THSD7A: variants seen among roughly 807,000 people sequenced by gnomAD.
THSD7A encodes thrombospondin type 1 domain containing 7A.
Under a neutral mutation model 231.3 loss-of-function variants are expected in THSD7A, and 96 were observed. That is an observed-to-expected ratio of 0.41 (90% confidence interval 0.35 to 0.49). The LOEUF (loss-of-function observed/expected upper bound fraction) is 0.49, where lower values mean the gene tolerates loss of function less well. Ranked by LOEUF, THSD7A falls within the 20% of genes least tolerant of loss-of-function variation. THSD7A has a pLI of 0.05. For synonymous variants in THSD7A, 940 were observed against 743.3 expected, an observed-to-expected ratio of 1.26 and a Z score of -4.30; for missense variants, 2,290 against 2,070.2, an observed-to-expected ratio of 1.11 and a Z score of -2.06.
intron 4 of THSD7A, among the ~76,000 whole-genome samples, chr7:11,550,915 G>T (rs566537134): frequency 6.6e-6 from 1 of 152,108 alleles, no homozygotes; most frequent in Non-Finnish European, 1.5e-5. Flanking sequence ...AAAGAACAAA[G>T]CCAGAGGCAT....
intron 6 of THSD7A, among the ~76,000 whole-genome samples, chr7:11,512,883 GA>G (rs1787872992): frequency 1.4e-5 from 2 of 143,396 alleles, no homozygotes; most frequent in South Asian, 2.2e-4. Flanking sequence ...CATACGTAAC[GA>G]ATCTGCACAT....
At chr7:11,437,885 T>G (rs1017082377) in intron 13 of THSD7A, among the ~76,000 whole-genome samples, 8 of 152,098 alleles carry the variant, frequency 5.3e-5, no homozygotes, top group African/African-American at 1.9e-4. Flanking sequence ...TCTCTACCCA[T>G]ATTCATGATT....
At chr7:11,813,666 T>C (rs1476744006) in intron 1 of THSD7A, among the ~76,000 whole-genome samples, 2 of 151,560 alleles carry the variant, frequency 1.3e-5, no homozygotes, top group African/African-American at 2.4e-5. Context: ...TGAGCCGAGA[T>C]AGCACCACCG....
intron 15 of THSD7A, among the ~76,000 whole-genome samples, chr7:11,425,098 A>T (rs142065217): frequency 6.6e-6 from 1 of 152,140 alleles, no homozygotes; most frequent in African/African-American, 2.4e-5. Flanking sequence ...ATATTTTCCT[A>T]TGCTGACCCT....
chr7:11,769,148 TA>T (rs1223227304), intron 1 of THSD7A, among the ~76,000 whole-genome samples: 51 of 66,646 alleles, frequency 7.7e-4, no homozygotes, highest in African/African-American at 2.2e-3. Context: ...TATATATATA[TA>T]TATATTTTTT....
chr7:11,429,003 G>A lies in THSD7A; in HGVS notation c.3187C>T (p.Arg1063Cys), dbSNP rs747118386. Residue 1063 changes from arginine to cysteine, a missense_variant, in exon 14 of 28, where the codon CGT (arginine) becomes TGT (cysteine). Coordinates refer to ENST00000423059, the MANE Select transcript of THSD7A (RefSeq NM_015204.3). ...CTTCCTCCATTATATGGTTTTTCACGCAGCCATTTAGAACGAACCTTCACA... is the reference window on the plus strand; with the variant it reads ...CTTCCTCCATTATATGGTTTTTCACACAGCCATTTAGAACGAACCTTCACA... ...SGVKVRSKWL[R>C]EKPYNGGRPC... The A allele has an allele frequency of 3.7e-6, 6 of 1,612,474 alleles. No homozygotes were observed. The highest frequency in any genetic ancestry group is 4.5e-5 in the East Asian group (2 of 44,802).
At chr7:11,524,747 T>C (rs1272611037) in intron 6 of THSD7A, among the ~76,000 whole-genome samples, 1 of 152,170 alleles carries the variant, frequency 6.6e-6, no homozygotes, top group Non-Finnish European at 1.5e-5. Context: ...ATCAAAAGAA[T>C]TTCTGCCATT....
intron 2 of THSD7A, among the ~76,000 whole-genome samples, chr7:11,613,192 A>G (rs1388662383): frequency 6.6e-6 from 1 of 152,240 alleles, no homozygotes; most frequent in Non-Finnish European, 1.5e-5. Context: ...GACTTATTAC[A>G]TTCAAAGTAA....
At chr7:11,801,363 G>A (rs1583302205) in intron 1 of THSD7A, among the ~76,000 whole-genome samples, 2 of 151,450 alleles carry the variant, frequency 1.3e-5, no homozygotes, top group South Asian at 4.2e-4. Context: ...CTTTTCTAAG[G>A]ACCAAAGTAA....
chr7:11,537,337 T>C (rs7788442), intron 6 of THSD7A, among the ~76,000 whole-genome samples: 8,636 of 152,276 alleles, frequency 0.057, 382 homozygotes, highest in East Asian at 0.18. Context: ...AAATCTTATA[T>C]TGAAATGTAA....
intron 1 of THSD7A, among the ~76,000 whole-genome samples, chr7:11,700,834 T>C (rs375997285): frequency 1.6e-3 from 240 of 150,524 alleles, no homozygotes; most frequent in Middle Eastern, 0.014. Context: ...AAATTTCATC[T>C]CCATGTAATT....
rs542237203 is a variant in THSD7A, at chr7:11,641,647, A to G, written c.191-4686T>C. ...AGATAACATATCCTGAGAAAACTTC[A>G]TGGAGATATATAAAAAGATCTACTG... On this transcript the variant is annotated intron_variant, in intron 1 of 27. Transcript: ENST00000423059. Among the ~76,000 whole-genome samples the G allele has an allele frequency of 3.3e-5, 5 of 152,164 alleles. No individual in the cohort carries two copies. The East Asian group carries it at 9.6e-4, about 29-fold the overall frequency.
intron 1 of THSD7A, among the ~76,000 whole-genome samples, chr7:11,829,812 A>T (rs984195946): frequency 3.3e-5 from 5 of 152,152 alleles, no homozygotes; most frequent in Non-Finnish European, 7.4e-5. Flanking sequence ...TAAAAAAAAA[A>T]AAATAAAGAA....
intron 2 of THSD7A, among the ~76,000 whole-genome samples, chr7:11,608,125 C>A (rs1156503998): frequency 6.6e-6 from 1 of 152,248 alleles, no homozygotes; most frequent in South Asian, 2.1e-4. Flanking sequence ...CCCAAGCCCA[C>A]CTCAAGTGAA....
intron 9 of THSD7A, among the ~76,000 whole-genome samples, chr7:11,467,154 C>T (rs1785742773): frequency 6.6e-6 from 1 of 152,120 alleles, no homozygotes; most frequent in African/African-American, 2.4e-5. Context: ...TCACATCTTT[C>T]TCACAGTCAT....
intron 1 of THSD7A, among the ~76,000 whole-genome samples, chr7:11,708,988 A>C (rs1780860981): frequency 1.3e-5 from 2 of 150,726 alleles, no homozygotes; most frequent in South Asian, 4.1e-4. Context: ...ATTATAAGGA[A>C]AATTTAGAAA....
chr7:11,709,597 C>G (rs1488407994), intron 1 of THSD7A, among the ~76,000 whole-genome samples: 1 of 150,822 alleles, frequency 6.6e-6, no homozygotes, highest in Non-Finnish European at 1.5e-5. Flanking sequence ...ACCTGATACA[C>G]TATTTTAAAA....
chr7:11,400,929 G>A (rs1783380289), intron 23 of THSD7A, among the ~76,000 whole-genome samples: 1 of 152,122 alleles, frequency 6.6e-6, no homozygotes, highest in African/African-American at 2.4e-5. Flanking sequence ...GTCTTCGGGT[G>A]TTGTTTCCCA....
At chr7:11,759,305 G>GA (rs1478414592) in intron 1 of THSD7A, among the ~76,000 whole-genome samples, 5 of 152,062 alleles carry the variant, frequency 3.3e-5, no homozygotes, top group Admixed American at 6.6e-5. Context: ...CATGTAATTT[G>GA]AAAAAGAACC....
Sources: gnomAD v4.1 joint callset for allele counts (sites outside exome capture counted in the v4.1 genomes callset) on GRCh38, gnomAD v4.1.1 for gene constraint, MANE v1.5 for transcripts, NCBI Gene and HGNC (gene_info 2026-07-23, HGNC 2026-07-21) for gene names.